The following NRG1 variants were observed in gnomAD, a reference collection of about 807,000 sequenced individuals.
The protein encoded by NRG1 is neuregulin 1, also known as pro-neuregulin-1, membrane-bound isoform.
In NRG1, 18 loss-of-function variants were observed where a neutral mutation model predicts 63.8. That is an observed-to-expected ratio of 0.28 (90% CI 0.19 to 0.42). The LOEUF (loss-of-function observed/expected upper bound fraction) is 0.42, where lower values mean the gene tolerates loss of function less well. Among genes scored for constraint, NRG1 ranks in the 10% least tolerant of loss-of-function variants. NRG1 has a pLI of 1.00. For synonymous variants in NRG1, 302 were observed against 301.3 expected (o/e 1.00, Z -0.02); for missense variants, 762 against 814.7 (o/e 0.94, Z 0.79).
chr8:31,722,272 G>T (rs527310608), intron 1 of NRG1, among the ~76,000 whole-genome samples: 1 of 151,884 alleles, frequency 6.6e-6, no homozygotes, highest in African/African-American at 2.4e-5. Flanking sequence ...TTACTCCCAG[G>T]TCTCTCTATC....
chr8:32,371,992 A>ATTTTTTTTTTT (rs60780562), intron 1 of NRG1, among the ~76,000 whole-genome samples: 2 of 129,430 alleles, frequency 1.5e-5, no homozygotes, highest in African/African-American at 2.8e-5. Context: ...CTTCTTCTTC[A>ATTTTTTTTTTT]TTTTTTTTTT....
chr8:32,121,476 C>G (rs1367437255), intron 1 of NRG1, among the ~76,000 whole-genome samples: 1 of 151,642 alleles, frequency 6.6e-6, no homozygotes, highest in Non-Finnish European at 1.5e-5. Context: ...CTGGTGTGTT[C>G]CAGTTAATTT....
At chr8:32,139,796 G>A (rs1402711010) in intron 1 of NRG1, among the ~76,000 whole-genome samples, 1 of 152,180 alleles carries the variant, frequency 6.6e-6, no homozygotes, top group Non-Finnish European at 1.5e-5. Context: ...ATAGCAAGTT[G>A]AGAATGCATG....
chr8:31,668,218 C>T (rs997932689), intron 1 of NRG1, among the ~76,000 whole-genome samples: 1 of 152,142 alleles, frequency 6.6e-6, no homozygotes, highest in East Asian at 1.9e-4. Context: ...GGTGGAACCT[C>T]TTATTCTTGG....
intron 1 of NRG1, among the ~76,000 whole-genome samples, chr8:32,165,920 A>G (rs1252718122): frequency 6.6e-6 from 1 of 152,154 alleles, no homozygotes; most frequent in African/African-American, 2.4e-5. Context: ...AACATGCCAC[A>G]TGTGTTCGGT....
At chr8:32,037,242 G>A (rs1819214908) in intron 1 of NRG1, among the ~76,000 whole-genome samples, 1 of 152,098 alleles carries the variant, frequency 6.6e-6, no homozygotes, top group African/African-American at 2.4e-5. Context: ...TATTCACCTG[G>A]GGTCCTCCCA....
At chr8:31,858,341 G>A (rs1828137187) in intron 1 of NRG1, among the ~76,000 whole-genome samples, 1 of 151,828 alleles carries the variant, frequency 6.6e-6, no homozygotes, top group Non-Finnish European at 1.5e-5. Flanking sequence ...ACTCAACGTT[G>A]ACCATTCTAT....
chr8:32,259,365 G>A (rs950760775), intron 1 of NRG1, among the ~76,000 whole-genome samples: 4 of 152,130 alleles, frequency 2.6e-5, no homozygotes, highest in Admixed American at 6.6e-5. Context: ...GAGTGGGTTA[G>A]TTATTGTGGG....
intron 1 of NRG1, among the ~76,000 whole-genome samples, chr8:31,955,987 G>A (rs2129624455): frequency 6.8e-6 from 1 of 146,390 alleles, no homozygotes; most frequent in South Asian, 2.1e-4. Flanking sequence ...GCTGCAGTGA[G>A]CCATGATCAT....
intron 1 of NRG1, among the ~76,000 whole-genome samples, chr8:32,559,104 A>G (rs926895446): frequency 1.5e-5 from 2 of 133,728 alleles, no homozygotes; most frequent in African/African-American, 5.3e-5. Flanking sequence ...AAAAAAAAAA[A>G]GTTAACAACC....
intron 1 of NRG1, among the ~76,000 whole-genome samples, chr8:31,868,164 A>G (rs1829151824): frequency 6.6e-6 from 1 of 150,648 alleles, no homozygotes; most frequent in South Asian, 2.1e-4. Context: ...ACACACACAC[A>G]CACACACACA....
intron 1 of NRG1, among the ~76,000 whole-genome samples, chr8:31,731,271 A>G (rs1430760634): frequency 6.6e-6 from 1 of 152,158 alleles, no homozygotes; most frequent in Non-Finnish European, 1.5e-5. Flanking sequence ...GAAAATACTA[A>G]CCGAAGTCCA....
Position 32,196,657 on chromosome 8 carries a change from T to C in NRG1, c.38-399171T>C, listed in dbSNP as rs117197999. Among the ~76,000 whole-genome samples the C allele has an allele frequency of 9.8e-3, 1,492 of 152,010 alleles. 23 individuals carry two copies. The highest frequency in any genetic ancestry group is 8.9e-3 in the Non-Finnish European group (603 of 67,978). On this transcript the variant is annotated intron_variant, in intron 1 of 10. Coordinates refer to the NRG1 transcript ENST00000519301. Reference sequence around the variant, plus strand: ...CAAATGATGGATGCCAACAAGAAAATAGTTTAAAATTCCAAGAGAAGCCTT... The same window carrying C: ...CAAATGATGGATGCCAACAAGAAAACAGTTTAAAATTCCAAGAGAAGCCTT...
chr8:31,639,847 C>T (rs1244918203), intron 1 of NRG1: 6 of 1,141,392 alleles, frequency 5.3e-6, no homozygotes, highest in African/African-American at 1.6e-5. Context: ...CCCCTGCACC[C>T]CCAATAAATA....
intron 1 of NRG1, among the ~76,000 whole-genome samples, chr8:32,449,739 GTT>G (rs1220785249): frequency 6.6e-6 from 1 of 152,202 alleles, no homozygotes; most frequent in Admixed American, 6.5e-5. Flanking sequence ...AAGTAAGGAT[GTT>G]TCAGCTAAAT....
chr8:32,120,862 A>G lies in NRG1; in HGVS notation c.38-474966A>G, dbSNP rs149206072. 2.6e-3 allele frequency among the ~76,000 whole-genome samples: 403 copies of G among 152,158 alleles called. 1 individual carries two copies. The highest frequency in any genetic ancestry group is 9.3e-3 in the African/African-American group (387 of 41,562). ...TGTAGTTGATCTCATTTTCTCTAGCACAGTGTCCCTTTTTGAATGTTCCTT... is the reference window on the plus strand; with the variant it reads ...TGTAGTTGATCTCATTTTCTCTAGCGCAGTGTCCCTTTTTGAATGTTCCTT... On this transcript the variant is annotated intron_variant, in intron 1 of 10. Coordinates refer to the NRG1 transcript ENST00000519301.
intron 1 of NRG1, among the ~76,000 whole-genome samples, chr8:32,491,567 T>C (rs78882523): frequency 0.012 from 1,853 of 152,320 alleles, 42 homozygotes; most frequent in African/African-American, 0.042. Context: ...CCCTATGTTA[T>C]TGGATACGTA....
chr8:32,700,226 G>A lies in NRG1; in HGVS notation c.503-27723G>A, dbSNP rs998086812. Among the ~76,000 whole-genome samples the A allele has an allele frequency of 4.6e-5, 7 of 152,030 alleles. 2 individuals are homozygous for A. The South Asian group carries it at 1.5e-3, about 32-fold the overall frequency. On this transcript the variant is annotated intron_variant, in intron 5 of 11. Coordinates refer to ENST00000356819, the Ensembl canonical transcript of NRG1. ...AACAATTGCCTCCCCATATATATTGGTATATATAATTTATTAGAATGTTTT... is the reference window on the plus strand; with the variant it reads ...AACAATTGCCTCCCCATATATATTGATATATATAATTTATTAGAATGTTTT...
intron 1 of NRG1, among the ~76,000 whole-genome samples, chr8:32,065,844 C>T (rs1824707314): frequency 6.6e-6 from 1 of 152,176 alleles, no homozygotes; most frequent in Admixed American, 6.6e-5. Context: ...CTCTCTGGCA[C>T]CTGTTGTTTA....
Sources: gnomAD v4.1 joint callset for allele counts (sites outside exome capture counted in the v4.1 genomes callset) on GRCh38, gnomAD v4.1.1 for gene constraint, MANE v1.5 for transcripts, NCBI Gene and HGNC (gene_info 2026-07-23, HGNC 2026-07-21) for gene names.